The following RBMS3 variants were observed in gnomAD, a reference collection of about 807,000 sequenced individuals.
The protein encoded by RBMS3 is RNA-binding motif, single-stranded-interacting protein 3.
Under a neutral mutation model 66.8 loss-of-function variants are expected in RBMS3, and 27 were observed. The ratio of observed to expected loss-of-function variants is 0.40; its 90% CI spans 0.30 to 0.56. The LOEUF is 0.56. RBMS3 is among the 20% of genes least tolerant of loss of function. The probability of loss-of-function intolerance (pLI) is 0.40; values close to 1 mark genes in which losing one functional copy is unlikely to be tolerated. For missense variants in RBMS3, 513 were observed against 549.5 expected (o/e 0.93, Z 0.66); for synonymous variants, 188 against 183.0 (o/e 1.03, Z -0.22).
intron 6 of RBMS3, among the ~76,000 whole-genome samples, chr3:29,769,618 T>G (rs953398758): frequency 2.0e-5 from 3 of 151,676 alleles, no homozygotes; most frequent in African/African-American, 7.3e-5. Flanking sequence ...GAGGGTTGTT[T>G]TTTTTCTTTA....
At chr3:29,781,312 T>C (rs1238714940) in intron 6 of RBMS3, among the ~76,000 whole-genome samples, 1 of 151,624 alleles carries the variant, frequency 6.6e-6, no homozygotes, top group East Asian at 2.0e-4. Flanking sequence ...TATAGCCTTC[T>C]AAGTCTGCCT....
At chr3:29,339,504 G>C (rs1272150560) in intron 1 of RBMS3, among the ~76,000 whole-genome samples, 1 of 151,902 alleles carries the variant, frequency 6.6e-6, no homozygotes, top group Non-Finnish European at 1.5e-5. Context: ...TTAAGCAAAG[G>C]ATCAGGAGAG....
chr3:29,631,230 C>G (rs1272525560), intron 4 of RBMS3, among the ~76,000 whole-genome samples: 3 of 151,638 alleles, frequency 2.0e-5, no homozygotes, highest in Non-Finnish European at 2.9e-5. Context: ...AAGAACATTC[C>G]TTGAGGCTCT....
At chr3:29,429,791 T>C (rs1245024159) in intron 1 of RBMS3, among the ~76,000 whole-genome samples, 1 of 152,168 alleles carries the variant, frequency 6.6e-6, no homozygotes, top group Non-Finnish European at 1.5e-5. Context: ...CCTTCCTCAG[T>C]GCTCCAAAAT....
At chr3:29,471,608 T>C (rs181414279) in intron 2 of RBMS3, among the ~76,000 whole-genome samples, 24 of 152,132 alleles carry the variant, frequency 1.6e-4, no homozygotes, top group Admixed American at 1.0e-3. Context: ...TACCTGGTAA[T>C]AGAATCAGGC....
chr3:29,889,236 T>A (rs544860728), intron 8 of RBMS3, among the ~76,000 whole-genome samples: 43 of 151,584 alleles, frequency 2.8e-4, no homozygotes, highest in African/African-American at 1.0e-3. Context: ...TAAAACTCAC[T>A]CCCCATGGCC....
At chr3:29,473,699 G>A (rs1388062037) in intron 2 of RBMS3, among the ~76,000 whole-genome samples, 3 of 152,342 alleles carry the variant, frequency 2.0e-5, no homozygotes, top group South Asian at 2.1e-4. Context: ...CCAGTGGGCC[G>A]GCACTGCTGG....
chr3:29,839,942 T>C (rs1361339979), intron 6 of RBMS3, among the ~76,000 whole-genome samples: 2 of 152,048 alleles, frequency 1.3e-5, no homozygotes, highest in East Asian at 3.8e-4. Flanking sequence ...ATCTATAACA[T>C]TTATACCAGT....
intron 3 of RBMS3, among the ~76,000 whole-genome samples, chr3:29,510,871 G>A (rs2044371848): frequency 6.6e-6 from 1 of 152,092 alleles, no homozygotes; most frequent in South Asian, 2.1e-4. Flanking sequence ...ACAAGTTATT[G>A]TGTGCCCACT....
intron 4 of RBMS3, among the ~76,000 whole-genome samples, chr3:29,620,023 G>T (rs1325018064): frequency 6.6e-6 from 1 of 152,036 alleles, no homozygotes; most frequent in Non-Finnish European, 1.5e-5. Context: ...TCGGGGAGCA[G>T]GAGAAAAAGC....
At chr3:29,705,575 G>C (rs540386344) in intron 4 of RBMS3, among the ~76,000 whole-genome samples, 97 of 152,160 alleles carry the variant, frequency 6.4e-4, no homozygotes, top group African/African-American at 2.3e-3. Context: ...TATTCTTCTT[G>C]TTGTGAATGA....
chr3:29,416,886 C>T (rs545476786), intron 1 of RBMS3, among the ~76,000 whole-genome samples: 1 of 152,146 alleles, frequency 6.6e-6, no homozygotes, highest in African/African-American at 2.4e-5. Context: ...ACTATCCTAA[C>T]CTTCCTACCA....
intron 3 of RBMS3, among the ~76,000 whole-genome samples, chr3:29,496,540 C>T (rs912088131): frequency 2.0e-5 from 3 of 152,058 alleles, no homozygotes; most frequent in Admixed American, 1.3e-4. Flanking sequence ...AAGAAAATAC[C>T]AATTTTTCTT....
intron 1 of RBMS3, among the ~76,000 whole-genome samples, chr3:29,364,521 C>G (rs1294637854): frequency 6.6e-6 from 1 of 152,114 alleles, no homozygotes; most frequent in Non-Finnish European, 1.5e-5. Context: ...AGCTTGCTGG[C>G]TAAAGTTGGC....
At chr3:29,793,359 C>G (rs1001293477) in intron 6 of RBMS3, among the ~76,000 whole-genome samples, 1 of 151,458 alleles carries the variant, frequency 6.6e-6, no homozygotes, top group African/African-American at 2.4e-5. Flanking sequence ...TTTTTTTCCA[C>G]TTCTGTATAC....
At chr3:29,592,195 T>TACACAC (rs68074936) in intron 4 of RBMS3, among the ~76,000 whole-genome samples, 21 of 149,118 alleles carry the variant, frequency 1.4e-4, no homozygotes, top group African/African-American at 5.1e-4. Flanking sequence ...CAAACACACA[T>TACACAC]ACACACACAC....
intron 4 of RBMS3, among the ~76,000 whole-genome samples, chr3:29,657,031 A>T (rs562451927): frequency 1.1e-4 from 17 of 152,316 alleles, no homozygotes; most frequent in African/African-American, 4.1e-4. Context: ...GTGGAAGATG[A>T]TTATGAGCGA....
At chr3:29,776,482 T>G (rs1294649649) in intron 6 of RBMS3, among the ~76,000 whole-genome samples, 1 of 152,016 alleles carries the variant, frequency 6.6e-6, no homozygotes, top group East Asian at 1.9e-4. Context: ...AGCCTGCATG[T>G]TGTGTACATG....
Position 29,727,984 on chromosome 3 carries a change from A to G in RBMS3, c.400-11736A>G, listed in dbSNP as rs556025946. ...AATGTCCATCAATGATAGACTGGAT[A>G]AAGAAAATCTGGCATATATACACCA... On this transcript the variant is annotated intron_variant, in intron 4 of 14. Transcript: ENST00000383767. Among the ~76,000 whole-genome samples the G allele has an allele frequency of 1.4e-4, 22 of 152,284 alleles. 1 individual carries two copies. The highest frequency in any genetic ancestry group is 4.8e-4 in the African/African-American group (20 of 41,570).
Sources: allele counts gnomAD v4.1 joint callset (sites outside exome capture counted in the v4.1 genomes callset), GRCh38; gene constraint gnomAD v4.1.1; transcripts MANE v1.5; gene names NCBI Gene and HGNC (gene_info 2026-07-23, HGNC 2026-07-21).